Variants in PTPRD observed in about 807,000 individuals in gnomAD.
PTPRD encodes the protein receptor-type tyrosine-protein phosphatase delta.
Under a neutral mutation model 214.5 loss-of-function variants are expected in PTPRD, and 34 were observed. The observed-to-expected ratio is 0.16, with a 90% confidence interval of 0.12 to 0.21. The LOEUF (loss-of-function observed/expected upper bound fraction) is 0.21. Among genes scored for constraint, PTPRD ranks in the 10% least tolerant of loss-of-function variants. The probability of loss-of-function intolerance (pLI) is 1.00; values close to 1 mark genes in which losing one functional copy is unlikely to be tolerated. For synonymous variants in PTPRD, 1,128 were observed against 845.7 expected (o/e 1.33, Z -5.79); for missense variants, 2,545 against 2,398.7 (o/e 1.06, Z -1.27).
chr9:8,576,279 C>T (rs540244438), intron 14 of PTPRD, among the ~76,000 whole-genome samples: 6 of 152,116 alleles, frequency 3.9e-5, no homozygotes, highest in African/African-American at 1.2e-4. Context: ...ACACATAATA[C>T]TAAGTTTTGT....
intron 3 of PTPRD, among the ~76,000 whole-genome samples, chr9:10,327,611 A>T (rs1183358887): frequency 1.3e-5 from 2 of 151,758 alleles, no homozygotes; most frequent in Non-Finnish European, 2.9e-5. Context: ...AATTAAATAT[A>T]TATTAAAACA....
intron 10 of PTPRD, among the ~76,000 whole-genome samples, chr9:9,048,424 T>C (rs1055416915): frequency 3.9e-5 from 6 of 152,076 alleles, no homozygotes; most frequent in Non-Finnish European, 8.8e-5. Flanking sequence ...ACCAGATGGA[T>C]GGATAAATAA....
intron 33 of PTPRD, among the ~76,000 whole-genome samples, chr9:8,459,173 C>A (rs1200098845): frequency 6.6e-6 from 1 of 150,974 alleles, no homozygotes; most frequent in South Asian, 2.1e-4. Flanking sequence ...TTAATATAAA[C>A]CCCCCAAAAG....
chr9:9,579,831 T>C (rs549721731), intron 7 of PTPRD, among the ~76,000 whole-genome samples: 1 of 152,234 alleles, frequency 6.6e-6, no homozygotes, highest in African/African-American at 2.4e-5. Context: ...CATTAAGTAA[T>C]TTGTCATCAT....
chr9:9,317,821 A>T (rs1484110334), intron 9 of PTPRD, among the ~76,000 whole-genome samples: 1 of 152,166 alleles, frequency 6.6e-6, no homozygotes, highest in African/African-American at 2.4e-5. Context: ...TCATCCTGAT[A>T]GATTATGTGC....
At chr9:9,019,309 A>AAAGAAAGAAAGAAAGAAAGG (rs2099551690) in intron 10 of PTPRD, among the ~76,000 whole-genome samples, 13 of 107,880 alleles carry the variant, frequency 1.2e-4, no homozygotes, top group Non-Finnish European at 1.9e-4. Context: ...AGAAAGAAAG[A>AAAGAAAGAAAGAAAGAAAGG]AAGAAAGAAA....
At chr9:9,171,222 T>A (rs2099914954) in intron 10 of PTPRD, among the ~76,000 whole-genome samples, 1 of 152,096 alleles carries the variant, frequency 6.6e-6, no homozygotes, top group Non-Finnish European at 1.5e-5. Flanking sequence ...ATTGAGAGGT[T>A]AATAACTTTC....
intron 14 of PTPRD, among the ~76,000 whole-genome samples, chr9:8,577,508 G>A (rs1382121608): frequency 6.6e-6 from 1 of 152,070 alleles, no homozygotes; most frequent in Non-Finnish European, 1.5e-5. Context: ...GCCTGCCTTG[G>A]CCTCCCAAAG....
At chr9:9,218,596 T>G (rs2099953809) in intron 9 of PTPRD, among the ~76,000 whole-genome samples, 1 of 152,130 alleles carries the variant, frequency 6.6e-6, no homozygotes, top group Non-Finnish European at 1.5e-5. Context: ...GCTAAGTCCT[T>G]TGGTAACATA....
intron 44 of PTPRD, among the ~76,000 whole-genome samples, chr9:8,328,060 T>C (rs916674740): frequency 2.0e-5 from 3 of 152,190 alleles, no homozygotes; most frequent in African/African-American, 7.2e-5. Context: ...ATCCTGTCAT[T>C]ATGATGTTTG....
intron 9 of PTPRD, among the ~76,000 whole-genome samples, chr9:9,195,236 CTT>C (rs367584882): frequency 6.6e-6 from 1 of 151,926 alleles, no homozygotes; most frequent in African/African-American, 2.4e-5. Flanking sequence ...AAAAAGGTAA[CTT>C]ATGTGGAATC....
At chr9:8,822,108 T>G (rs149072329) in intron 11 of PTPRD, among the ~76,000 whole-genome samples, 9 of 152,370 alleles carry the variant, frequency 5.9e-5, no homozygotes, top group Non-Finnish European at 1.2e-4. Flanking sequence ...TTTGGTTTTG[T>G]TTTGCTTAGT....
chr9:8,482,954 A>G (rs2096918798), intron 30 of PTPRD, among the ~76,000 whole-genome samples: 1 of 152,248 alleles, frequency 6.6e-6, no homozygotes, highest in African/African-American at 2.4e-5. Context: ...CTTAAGATAA[A>G]GCATAATTCT....
At chr9:9,769,939 T>A (rs1010221313) in intron 5 of PTPRD, among the ~76,000 whole-genome samples, 3 of 152,164 alleles carry the variant, frequency 2.0e-5, no homozygotes, top group African/African-American at 7.2e-5. Context: ...GGACATGAAC[T>A]CATTCTTTTT....
chr9:9,544,641 C>T (rs2078356876), intron 8 of PTPRD, among the ~76,000 whole-genome samples: 1 of 151,636 alleles, frequency 6.6e-6, no homozygotes, highest in South Asian at 2.1e-4. Flanking sequence ...TATCTACATG[C>T]ACTTTTTGCT....
intron 4 of PTPRD, among the ~76,000 whole-genome samples, chr9:9,997,855 C>G (rs893645936): frequency 1.3e-5 from 2 of 151,728 alleles, no homozygotes; most frequent in African/African-American, 4.8e-5. Context: ...CATGGCCACC[C>G]CCAGATAGCT....
chr9:9,226,940 A>G (rs921896764), intron 9 of PTPRD, among the ~76,000 whole-genome samples: 1 of 152,152 alleles, frequency 6.6e-6, no homozygotes, highest in African/African-American at 2.4e-5. Context: ...TTTCCAACAT[A>G]CTAAAGGAGG....
chr9:10,454,911 A>G (rs555666292), intron 2 of PTPRD, among the ~76,000 whole-genome samples: 37 of 151,930 alleles, frequency 2.4e-4, no homozygotes, highest in African/African-American at 8.7e-4. Context: ...TACTGAGTGC[A>G]GACAAAAAAG....
chr9:9,956,786 G>T (rs2093963952), intron 4 of PTPRD, among the ~76,000 whole-genome samples: 1 of 152,066 alleles, frequency 6.6e-6, no homozygotes. Flanking sequence ...AGAGCAATGA[G>T]ATTTTGTTTT....
Sources: gnomAD v4.1 joint callset for allele counts (sites outside exome capture counted in the v4.1 genomes callset) on GRCh38, gnomAD v4.1.1 for gene constraint, MANE v1.5 for transcripts, NCBI Gene and HGNC (gene_info 2026-07-23, HGNC 2026-07-21) for gene names.